DTX1: variants seen among roughly 807,000 people sequenced by gnomAD.
The protein encoded by DTX1 is deltex E3 ubiquitin ligase 1.
A neutral mutation model predicts 57.8 loss-of-function variants in DTX1; 26 were observed. That is an observed-to-expected ratio of 0.45 (90% CI 0.33 to 0.62). The LOEUF (loss-of-function observed/expected upper bound fraction) is 0.62. DTX1 is among the 20% of genes least tolerant of loss of function. The probability of loss-of-function intolerance (pLI) is 0.02; values close to 1 mark genes in which losing one functional copy is unlikely to be tolerated. For synonymous variants in DTX1, 398 were observed against 394.1 expected (o/e 1.01, Z -0.12); for missense variants, 704 against 895.3 (o/e 0.79, Z 2.73).
At chr12:113,087,935 T>A (rs937972114) in intron 3 of DTX1, among the ~76,000 whole-genome samples, 1 of 151,974 alleles carries the variant, frequency 6.6e-6, no homozygotes, top group African/African-American at 2.4e-5. Flanking sequence ...CAGAGAGAGG[T>A]GGCCAAAGCA....
chr12:113,063,183 G>A (rs537033229), intron 2 of DTX1, among the ~76,000 whole-genome samples: 10 of 152,360 alleles, frequency 6.6e-5, no homozygotes, highest in Middle Eastern at 3.4e-3. Context: ...GCCCAAGGCC[G>A]AAGGGTATGC....
chr12:113,083,043 G>A (rs2044829664), intron 3 of DTX1, among the ~76,000 whole-genome samples: 1 of 152,158 alleles, frequency 6.6e-6, no homozygotes, highest in African/African-American at 2.4e-5. Flanking sequence ...TCCTTCTGAG[G>A]CCTCTCTCCT....
In DTX1 at chr12:113,077,327, C is replaced by CA; in HGVS notation, c.260-95dup. The CA allele has an allele frequency of 7.2e-7, 1 of 1,392,422 alleles. No individual in the cohort carries two copies. The highest frequency in any genetic ancestry group is 9.5e-7 in the Non-Finnish European group (1 of 1,048,000). The allele number at this position is 1,392,422 out of a possible 1,614,324, so 86.3% of individuals were successfully genotyped here. ...CCCCTGGAGGCCTGTGCTGACCCCC[C>CA]AACCTCCCGCCCACCCTTGCCTGGC... On this transcript the variant is annotated intron_variant, in intron 2 of 9. Transcript: ENST00000548759. This position sits in a 1 kb window ranked among gnomAD's most constrained non-coding sequence, Gnocchi z 7.8.
intron 2 of DTX1, among the ~76,000 whole-genome samples, chr12:113,061,598 T>A (rs2044663811): frequency 6.6e-6 from 1 of 152,234 alleles, no homozygotes; most frequent in Admixed American, 6.5e-5. Context: ...AGAGAGAATC[T>A]GGCTGATTTT....
intron 2 of DTX1, among the ~76,000 whole-genome samples, chr12:113,064,534 A>C (rs1451343322): frequency 3.9e-5 from 6 of 152,208 alleles, no homozygotes; most frequent in African/African-American, 1.4e-4. Flanking sequence ...AGGCAAATGC[A>C]TATCATGGAA....
Position 113,096,804 on chromosome 12 carries a change from G to A in DTX1, c.1728G>A (p.Val576=). 2.5e-6 allele frequency: 4 copies of A among 1,613,938 alleles called. No homozygotes were observed. The highest frequency in any genetic ancestry group is 3.4e-6 in the Non-Finnish European group (4 of 1,180,036). The change falls in exon 10 of 10, where the codon GTG becomes GTA. Residue 576 remains valine (V), a synonymous_variant. Coordinates refer to ENST00000548759, the MANE Select transcript of DTX1 (RefSeq NM_004416.3). Reference sequence around the variant, plus strand: ...CCACGGGCGAGTCGGACACCGTGGTGTGGAACGAGATCCACCACAAGACCG... The same window carrying A: ...CCACGGGCGAGTCGGACACCGTGGTATGGAACGAGATCCACCACAAGACCG... ...SNTTGESDTV[V]WNEIHHKTEF...
intron 3 of DTX1, among the ~76,000 whole-genome samples, chr12:113,084,917 T>C (rs2044844612): frequency 6.6e-6 from 1 of 152,182 alleles, no homozygotes; most frequent in Non-Finnish European, 1.5e-5. Flanking sequence ...CCCTGATTCC[T>C]GTGTGACCCT....
Position 113,094,048 on chromosome 12 carries a change from C to G in DTX1, c.1176C>G (p.Pro392=). The change falls in exon 6 of 10, where the codon CCC becomes CCG. Residue 392 remains proline, a synonymous_variant. Transcript: ENST00000548759. ...GCTGTGTCCCTGCAGGTAAGAATCC[C>G]GAGGATGTGGTTCGAAGATACATGC... ...KKKHLKKSKN[P]EDVVRRYMQK... 6.4e-7 allele frequency: 1 copy of G among 1,571,418 alleles called. No homozygotes were observed. The highest frequency in any genetic ancestry group is 8.6e-7 in the Non-Finnish European group (1 of 1,157,648).
intron 3 of DTX1, among the ~76,000 whole-genome samples, chr12:113,089,581 C>T (rs536893673): frequency 1.3e-5 from 2 of 152,262 alleles, no homozygotes; most frequent in Admixed American, 6.5e-5. Context: ...GAGGAAACAG[C>T]GTGTCCCACA....
intron 2 of DTX1, among the ~76,000 whole-genome samples, chr12:113,073,157 G>A (rs1490785649): frequency 6.6e-6 from 1 of 152,114 alleles, no homozygotes; most frequent in South Asian, 2.1e-4. Flanking sequence ...CATTTTTCAG[G>A]TAATACACTG....
At chr12:113,064,389 C>T (rs1183036586) in intron 2 of DTX1, among the ~76,000 whole-genome samples, 2 of 152,122 alleles carry the variant, frequency 1.3e-5, no homozygotes, top group African/African-American at 4.8e-5. Flanking sequence ...ATTCATCGCT[C>T]GTATTTGGTA....
intron 9 of DTX1, among the ~76,000 whole-genome samples, chr12:113,096,439 CAAAAAAAAAAAAAAAAA>C (rs56194115): frequency 1.1e-5 from 1 of 92,784 alleles, no homozygotes; most frequent in African/African-American, 4.3e-5. Flanking sequence ...GACTCTGCCT[CAAAAAAAAAAAAAAAAA>C]AAAAAAGAAA....
intron 3 of DTX1, among the ~76,000 whole-genome samples, chr12:113,079,634 T>G (rs2044801457): frequency 1.3e-5 from 2 of 150,624 alleles, no homozygotes; most frequent in South Asian, 4.2e-4. Flanking sequence ...TTCAAGTGAT[T>G]CTTCTGCCTC....
In DTX1 at chr12:113,077,746, C is replaced by T; in HGVS notation, c.582C>T (p.Ala194=). The T allele has an allele frequency of 6.5e-7, 1 of 1,531,184 alleles. No individual in the cohort carries two copies. The highest frequency in any genetic ancestry group is 8.7e-7 in the Non-Finnish European group (1 of 1,144,056). The allele number at this position is 1,531,184 out of a possible 1,614,324, so 94.8% of individuals were successfully genotyped here. Residue 194 remains alanine, a synonymous_variant, in exon 3 of 10, where the codon GCC becomes GCT. Transcript: ENST00000548759. The surrounding 1 kb of genome is among the most constrained non-coding windows in gnomAD (Gnocchi z 7.8). Reference sequence around the variant, plus strand: ...AGTCGCAGTCGTGGCCCGTGGGCGCCAGCTCGGGCCAGCCCTGCTCCTGCC... The same window carrying T: ...AGTCGCAGTCGTGGCCCGTGGGCGCTAGCTCGGGCCAGCCCTGCTCCTGCC... ...IPKSQSWPVG[A]SSGQPCSCQQ...
Position 113,058,421 on chromosome 12 carries a change from C to T in DTX1, c.229C>T (p.Gln77Ter). Reference protein sequence around the residue: ...AQLVPYIIDLQSMHQFRQDTG... With the variant: ...AQLVPYIIDL ...GCTTGTGCCCTACATCATCGACCTG[C>T]AGTCCATGCACCAGTTTCGCCAGGA... The change falls in exon 2 of 10, where the codon CAG becomes TAG. Residue 77 changes from glutamine (Q) to a stop codon, truncating the protein, a stop_gained. Coordinates refer to ENST00000548759, the MANE Select transcript of DTX1 (RefSeq NM_004416.3). LOFTEE classifies it high-confidence loss of function. 6.2e-7 allele frequency: 1 copy of T among 1,605,242 alleles called. No homozygotes were observed. The highest frequency in any genetic ancestry group is 8.5e-7 in the Non-Finnish European group (1 of 1,179,702).
intron 3 of DTX1, 88 bp downstream of exon 3, chr12:113,078,193 A>T (rs2044790184): frequency 1.0e-6 from 1 of 997,314 alleles, no homozygotes; most frequent in African/African-American, 1.7e-5. Flanking sequence ...GGGCAGGAGC[A>T]AAGATTACAA....
chr12:113,087,816 TG>T (rs961593392), intron 3 of DTX1, among the ~76,000 whole-genome samples: 3 of 144,682 alleles, frequency 2.1e-5, no homozygotes, highest in Admixed American at 2.1e-4. Flanking sequence ...CTGCTGGGGG[TG>T]GGAGGGGAGA....
chr12:113,058,583 A>C (rs775222170), intron 2 of DTX1, 132 bp downstream of exon 2: 32 of 1,439,226 alleles, frequency 2.2e-5, no homozygotes, highest in Non-Finnish European at 2.3e-5. Flanking sequence ...CCTCCAGAAA[A>C]ACAGGGCAGT....
At chr12:113,057,086 C>A (rs1221354838) in intron 1 of DTX1, 142 bp downstream of exon 1, 1 of 152,036 alleles carries the variant, frequency 6.6e-6, no homozygotes, top group Non-Finnish European at 1.5e-5. Context: ...GCTTCGCCCC[C>A]TCCGCGACGC....
Sources: allele counts gnomAD v4.1 joint callset (sites outside exome capture counted in the v4.1 genomes callset), GRCh38; gene constraint gnomAD v4.1.1; non-coding constraint Gnocchi (gnomAD v3.1); transcripts MANE v1.5; gene names NCBI Gene and HGNC (gene_info 2026-07-23, HGNC 2026-07-21).